The following UBR4 variants were observed in gnomAD, a reference collection of about 807,000 sequenced individuals.
UBR4 encodes E3 ubiquitin-protein ligase UBR4.
A neutral mutation model predicts 575.6 loss-of-function variants in UBR4; 124 were observed. That is an observed-to-expected ratio of 0.22 (90% CI 0.19 to 0.25). UBR4 has a LOEUF of 0.25. Among genes scored for constraint, UBR4 ranks in the 10% least tolerant of loss-of-function variants. The pLI is 1.00. For synonymous variants in UBR4, 2,455 were observed against 2,473.7 expected, an observed-to-expected ratio of 0.99 and a Z score of 0.22; for missense variants, 4,818 against 6,478.8, an observed-to-expected ratio of 0.74 and a Z score of 8.80.
intron 64 of UBR4, 148 bp from the exon 65 acceptor site, chr1:19,124,838 A>G (rs2081549624): frequency 9.3e-7 from 1 of 1,079,670 alleles, no homozygotes; most frequent in Admixed American, 2.8e-5. Context: ...CTGACAGTTT[A>G]TTCTATAAAC....
chr1:19,095,150 G>T, intron 93 of UBR4, 125 bp from the exon 94 acceptor site: 1 of 1,390,146 alleles, frequency 7.2e-7, no homozygotes, highest in Non-Finnish European at 1.0e-6. Context: ...ATGACCGTGT[G>T]TATGTATGTG....
rs372380845 is a variant in UBR4 at position 19,084,631 on chromosome 1, T to C, written c.14881A>G (p.Ile4961Val). The change falls in exon 102 of 106, where the codon ATC becomes GTC. Residue 4961 changes from isoleucine to valine, a missense_variant. Around this residue, in one of 29 missense-constraint regions of UBR4, gnomAD observed 196 missense variants for 386.8 expected, o/e 0.51. Transcript: ENST00000375254. ...GCGAAGCGCAGGAAGAGCAGTTTGATGTCATGGATGTTGAGCTGATACGTG... is the reference window on the plus strand; with the variant it reads ...GCGAAGCGCAGGAAGAGCAGTTTGACGTCATGGATGTTGAGCTGATACGTG... ...EPTYQLNIHD[I>V]KLLFLRFAME... The C allele has an allele frequency of 6.2e-7, 1 of 1,614,002 alleles. No homozygotes were observed. The highest frequency in any genetic ancestry group is 8.5e-7 in the Non-Finnish European group (1 of 1,179,972).
intron 60 of UBR4, among the ~76,000 whole-genome samples, chr1:19,137,042 T>G (rs181827182): frequency 6.8e-4 from 103 of 152,220 alleles, no homozygotes; most frequent in Non-Finnish European, 1.2e-3. Context: ...CTCACACCTG[T>G]AATCCCAGCA....
At chr1:19,125,305 A>T (rs1335267355) in intron 64 of UBR4, among the ~76,000 whole-genome samples, 1 of 152,256 alleles carries the variant, frequency 6.6e-6, no homozygotes, top group African/African-American at 2.4e-5. Context: ...CCAGTTATTC[A>T]TCAGTTCTGT....
At chr1:19,085,295 G>A (rs1017280749) in intron 101 of UBR4, among the ~76,000 whole-genome samples, 2 of 152,206 alleles carry the variant, frequency 1.3e-5, no homozygotes, top group Non-Finnish European at 1.5e-5. Flanking sequence ...GCCGAGGCAG[G>A]TGGATCACCT....
At position 19,089,193 on chromosome 1, in the gene UBR4, C is replaced by T. The variant is rs1360525606; in HGVS notation, c.14212-216G>A. Among the ~76,000 whole-genome samples the T allele has an allele frequency of 6.6e-6, 1 of 152,210 alleles. No individual in the cohort carries two copies. The highest frequency in any genetic ancestry group is 2.4e-5 in the African/African-American group (1 of 41,450). ...CTCTGACCAATTCCTATGCTCTAAG[C>T]TCAGTATTTCCATCTATAAAATGGG... On this transcript the variant is annotated intron_variant, in intron 97 of 105. Coordinates refer to ENST00000375254, the MANE Select transcript of UBR4 (RefSeq NM_020765.3). The surrounding 1 kb of genome is among the most constrained non-coding windows in gnomAD (Gnocchi z 4.3).
chr1:19,178,765 T>G (rs1164214524), intron 18 of UBR4, among the ~76,000 whole-genome samples: 1 of 152,236 alleles, frequency 6.6e-6, no homozygotes, highest in Non-Finnish European at 1.5e-5. Context: ...CCTGCTTGTC[T>G]TTCAAAAAAG....
chr1:19,114,043 C>G lies in UBR4; in HGVS notation c.11230G>C (p.Asp3744His). 1.9e-6 allele frequency: 3 copies of G among 1,614,096 alleles called. No individual in the cohort carries two copies. Among genetic ancestry groups the G allele is most frequent in the Non-Finnish European group, 2.5e-6 (3 of 1,179,968 alleles). Residue 3744 changes from aspartate (D) to histidine (H), a missense_variant, in exon 76 of 106, where the codon GAC becomes CAC. Coordinates refer to ENST00000375254, the MANE Select transcript of UBR4 (RefSeq NM_020765.3). ...TGATGATACACTCGATCAGCTTTGT[C>G]CAAAAGTGTATTGATGTTGGATACA... ...KAVSNINTLL[D>H]KADRVYHQLM...
At chr1:19,202,617 A>G (rs373612542) in intron 1 of UBR4, among the ~76,000 whole-genome samples, 1 of 152,244 alleles carries the variant, frequency 6.6e-6, no homozygotes, top group East Asian at 1.9e-4. Flanking sequence ...ACTGTAGACT[A>G]AAGCGAGATC....
intron 17 of UBR4, among the ~76,000 whole-genome samples, chr1:19,181,081 G>T (rs953923554): frequency 6.6e-6 from 1 of 152,130 alleles, no homozygotes; most frequent in Non-Finnish European, 1.5e-5. Flanking sequence ...CTTCATCATA[G>T]TTAAACTGAA....
chr1:19,141,195 A>T, intron 57 of UBR4, 152 bp downstream of exon 57: 1 of 1,058,410 alleles, frequency 9.4e-7, no homozygotes. Flanking sequence ...CATCCCTCTC[A>T]CTCTCCACCT....
intron 1 of UBR4, among the ~76,000 whole-genome samples, chr1:19,205,571 T>TCA (rs2092965349): frequency 1.3e-5 from 2 of 152,012 alleles, no homozygotes; most frequent in African/African-American, 4.8e-5. Flanking sequence ...GTTAATGTGA[T>TCA]ACTAAGACAT....
intron 49 of UBR4, among the ~76,000 whole-genome samples, chr1:19,149,058 A>G (rs1247128760): frequency 1.3e-5 from 2 of 152,226 alleles, no homozygotes; most frequent in African/African-American, 4.8e-5. Context: ...TTAAAGCTAT[A>G]TATGCACAAA....
intron 1 of UBR4, 137 bp from the exon 2 acceptor site, chr1:19,201,952 G>A: frequency 4.2e-6 from 3 of 719,402 alleles, no homozygotes; most frequent in Non-Finnish European, 6.6e-6. Flanking sequence ...TCAAGACTGG[G>A]AAAGATGAGA....
In UBR4 at chr1:19,152,424, G is replaced by A; in HGVS notation, c.6885C>T (p.Asn2295=). 6.2e-7 allele frequency: 1 copy of A among 1,613,904 alleles called. No homozygotes were observed. The highest frequency in any genetic ancestry group is 8.5e-7 in the Non-Finnish European group (1 of 1,179,842). Residue 2295 remains asparagine, a synonymous_variant, in exon 47 of 106, where the codon AAC becomes AAT. Transcript: ENST00000375254. This position sits in a 1 kb window ranked among gnomAD's most constrained non-coding sequence, Gnocchi z 4.4. ...VTFPIDFFEH[N]QQLTDVEFGG... ...CAAACTCCACATCTGTCAGCTGCTG[G>A]TTGTGTTCAAAAAAGTCAATGGGGA...
At position 19,177,755 on chromosome 1, in the gene UBR4, A is replaced by G. The variant is rs2090428460; in HGVS notation, c.2355-12T>C. 6.2e-7 allele frequency: 1 copy of G among 1,609,464 alleles called. No individual in the cohort carries two copies. The highest frequency in any genetic ancestry group is 8.5e-7 in the Non-Finnish European group (1 of 1,177,600). Reference sequence around the variant, plus strand: ...TTGTAGACAAAAACCTACCAGAGAGAAAAGATGACTATATCTGGTGGGAAA... The same window carrying G: ...TTGTAGACAAAAACCTACCAGAGAGGAAAGATGACTATATCTGGTGGGAAA... On this transcript the variant is annotated splice_polypyrimidine_tract_variant and intron_variant, in intron 18 of 105. Transcript: ENST00000375254.
chr1:19,156,202 C>T, intron 42 of UBR4, 69 bp downstream of exon 42: 1 of 1,580,992 alleles, frequency 6.3e-7, no homozygotes. Flanking sequence ...GAGAAGCTAG[C>T]ACATAGTGAT....
At chr1:19,109,149 T>C (rs1028947286) in intron 81 of UBR4, among the ~76,000 whole-genome samples, 2 of 152,174 alleles carry the variant, frequency 1.3e-5, no homozygotes, top group African/African-American at 4.8e-5. Context: ...GAGGACTCTG[T>C]TGCCCAAAAG....
At position 19,180,706 on chromosome 1, in the gene UBR4, GC is replaced by G. The variant is rs2090856682; in HGVS notation, c.2185-1487del. ...TATTCCTTATAATGCTATTTTTAAT[GC>G]TTTTTTTTGCTCATTTTTCATCTTT... is the stretch of plus-strand genomic sequence containing the variant. On this transcript the variant is annotated intron_variant, in intron 17 of 105. Coordinates refer to ENST00000375254, the MANE Select transcript of UBR4 (RefSeq NM_020765.3). Among the ~76,000 whole-genome samples, 3 of 152,068 alleles carry G rather than the reference GC, an allele frequency of 2.0e-5. No homozygotes were observed. In the East Asian group the frequency reaches 5.8e-4, roughly 29 times the overall value.
Sources: gnomAD v4.1 joint callset for allele counts (sites outside exome capture counted in the v4.1 genomes callset) on GRCh38, gnomAD v4.1.1 for gene constraint, gnomAD v4.1.1 regional missense constraint, Gnocchi (gnomAD v3.1) non-coding constraint, MANE v1.5 for transcripts, NCBI Gene and HGNC (gene_info 2026-07-23, HGNC 2026-07-21) for gene names.